Variants in EMP2 observed in about 807,000 individuals in gnomAD.
The protein encoded by EMP2 is epithelial membrane protein 2.
Under a neutral mutation model 13.7 loss-of-function variants are expected in EMP2, and 19 were observed. The ratio of observed to expected loss-of-function variants is 1.38; its 90% CI spans 0.97 to 2.03. The LOEUF (loss-of-function observed/expected upper bound fraction) is 2.03, where lower values mean the gene tolerates loss of function less well. EMP2 is among the 30% of genes most tolerant of loss of function. The pLI is 0.00. For synonymous variants in EMP2, 97 were observed against 84.7 expected, an observed-to-expected ratio of 1.15 and a Z score of -0.80; for missense variants, 253 against 220.7, an observed-to-expected ratio of 1.15 and a Z score of -0.93.
intron 1 of EMP2, among the ~76,000 whole-genome samples, chr16:10,570,601 T>C (rs552072181): frequency 3.0e-4 from 45 of 152,316 alleles, no homozygotes; most frequent in Non-Finnish European, 5.9e-4. Context: ...TTTCTTTACA[T>C]TGGCCAGGCT....
intron 2 of EMP2, chr16:10,547,176 A>G: frequency 5.7e-6 from 1 of 175,862 alleles, no homozygotes; most frequent in Non-Finnish European, 1.2e-5. Flanking sequence ...TTGTATTCCC[A>G]TAATTCCCAC....
Position 10,542,905 on chromosome 16 carries a change from G to A in EMP2, c.169+665C>T, listed in dbSNP as rs192559460. Among the ~76,000 whole-genome samples, 25 of 152,350 alleles carry A rather than the reference G, an allele frequency of 1.6e-4. No homozygotes were observed. In the East Asian group the frequency reaches 4.8e-3, roughly 29 times the overall value. ...CTGTCACCCAGGGTGGAGCGCAGTGGCGTGATCTCGGCTCACCGCAACCTC... is the reference window on the plus strand; with the variant it reads ...CTGTCACCCAGGGTGGAGCGCAGTGACGTGATCTCGGCTCACCGCAACCTC... On this transcript the variant is annotated intron_variant, in intron 3 of 4. Coordinates refer to ENST00000359543, the MANE Select transcript of EMP2 (RefSeq NM_001424.6).
At chr16:10,536,933 C>G (rs1264649812) in intron 4 of EMP2, among the ~76,000 whole-genome samples, 1 of 152,088 alleles carries the variant, frequency 6.6e-6, no homozygotes, top group Non-Finnish European at 1.5e-5. Flanking sequence ...GAGGATGGTC[C>G]CAGGCAAACT....
intron 1 of EMP2, among the ~76,000 whole-genome samples, chr16:10,573,713 T>C (rs1260174061): frequency 6.6e-6 from 1 of 152,180 alleles, no homozygotes. Context: ...GTTCCTTCCC[T>C]ACCACCCCAT....
Position 10,543,663 on chromosome 16 carries a change from G to A in EMP2, c.79-3C>T. On this transcript the variant is annotated splice_polypyrimidine_tract_variant and splice_region_variant and intron_variant, in intron 2 of 4. Transcript: ENST00000359543. Reference sequence around the variant, plus strand: ...AACTCATCTCCTACCCACCAGGCCTGTAACACAAAATGGAAATAGAGAGAA... The same window carrying A: ...AACTCATCTCCTACCCACCAGGCCTATAACACAAAATGGAAATAGAGAGAA... 2 of 1,614,086 alleles carry A rather than the reference G, an allele frequency of 1.2e-6. No individual in the cohort carries two copies. The highest frequency in any genetic ancestry group is 1.3e-5 in the African/African-American group (1 of 75,056).
At chr16:10,559,323 C>T (rs1001723160) in intron 1 of EMP2, among the ~76,000 whole-genome samples, 26 of 152,226 alleles carry the variant, frequency 1.7e-4, no homozygotes, top group South Asian at 6.2e-4. Context: ...AGTATTCAGG[C>T]GTCTGAGATG....
intron 1 of EMP2, among the ~76,000 whole-genome samples, chr16:10,554,951 T>C (rs1104833): frequency 0.067 from 10,159 of 152,220 alleles, 428 homozygotes; most frequent in East Asian, 0.13. Context: ...CTTTGGAGGA[T>C]TGCATGGTCT....
At chr16:10,573,060 T>C (rs1183666999) in intron 1 of EMP2, among the ~76,000 whole-genome samples, 2 of 152,158 alleles carry the variant, frequency 1.3e-5, no homozygotes, top group African/African-American at 4.8e-5. Context: ...TTTTTGTTTT[T>C]ATTTTAAGAG....
rs761837614 is a variant in EMP2, at chr16:10,575,237, C to CTT, written c.-61+5310_-61+5311dup. Among the ~76,000 whole-genome samples, 464 of 52,436 alleles carry CTT rather than the reference C, an allele frequency of 8.8e-3. 117 individuals are homozygous for CTT. Among genetic ancestry groups the CTT allele is most frequent in the African/African-American group, 0.022 (347 of 15,618 alleles). The allele number at this position is 52,436 out of a possible 152,430, so 34.4% of individuals were successfully genotyped here. A position where few individuals can be genotyped will look rare whatever the true frequency, so the allele number is the denominator to read the frequency against. On this transcript the variant is annotated intron_variant, in intron 1 of 4. Transcript: ENST00000359543. ...TGGCCTTGGTCCTGGAGCTTGCATT[C>CTT]TTTTTTTTTTTTTTTTTTTTTTTTT...
At chr16:10,546,287 G>A (rs892474699) in intron 2 of EMP2, 1 of 152,248 alleles carries the variant, frequency 6.6e-6, no homozygotes, top group Non-Finnish European at 1.5e-5. Context: ...CAATGTTTCT[G>A]CCCTTTAATT....
rs1204091803 is a variant in EMP2 at position 10,530,248 on chromosome 16, C to G, written c.*2657G>C. On this transcript the variant is annotated 3_prime_UTR_variant, in exon 5 of 5. Transcript: ENST00000359543. ...GGAGGATATCTGGATTTGCTCACCC[C>G]TGTATTTTCAGAGCCTCACACAGTG... The G allele has an allele frequency of 1.3e-5, 2 of 152,232 alleles. No homozygotes were observed. Among genetic ancestry groups the G allele is most frequent in the African/African-American group, 4.8e-5 (2 of 41,452 alleles). 9.4% of individuals were successfully genotyped at this position (152,232 alleles called of 1,614,324 possible).
intron 1 of EMP2, among the ~76,000 whole-genome samples, chr16:10,564,957 A>G (rs568648535): frequency 1.3e-5 from 2 of 152,354 alleles, no homozygotes; most frequent in East Asian, 3.9e-4. Flanking sequence ...CCTGCCATAA[A>G]TAGAAGGTGC....
At chr16:10,536,812 G>C (rs994126923) in intron 4 of EMP2, among the ~76,000 whole-genome samples, 2 of 152,088 alleles carry the variant, frequency 1.3e-5, no homozygotes, top group African/African-American at 2.4e-5. Context: ...GTATAGAGGA[G>C]GTCTCACTAT....
chr16:10,547,297 G>A (rs937815995), intron 2 of EMP2: 8 of 456,616 alleles, frequency 1.8e-5, no homozygotes, highest in Non-Finnish European at 2.7e-5. Context: ...TTTTATAAAG[G>A]GCAGTTCCCC....
In EMP2 at chr16:10,531,748, GATGAATGAATGAATGAATGAATGA is replaced by G. The variant is rs111364972; in HGVS notation, c.*1133_*1156del. The stretch of plus-strand genomic sequence containing the variant: ...ATGCATGCAAGTTATGATTTATGTT[GATGAATGAATGAATGAATGAATGA>G]ATGAATGAATGAATGAATGGTGGAT... On this transcript the variant is annotated 3_prime_UTR_variant, in exon 5 of 5. Transcript: ENST00000359543. 6.6e-6 allele frequency: 1 copy of G among 151,954 alleles called. No individual in the cohort carries two copies. The highest frequency in any genetic ancestry group is 2.1e-4 in the South Asian group (1 of 4,718). The allele number at this position is 151,954 out of a possible 1,614,324, so 9.4% of individuals were successfully genotyped here.
At chr16:10,568,304 C>T (rs543728386) in intron 1 of EMP2, among the ~76,000 whole-genome samples, 1 of 152,344 alleles carries the variant, frequency 6.6e-6, no homozygotes, top group East Asian at 1.9e-4. Context: ...CCAGCTGCCT[C>T]ACGTTCCTGG....
At chr16:10,564,345 G>A (rs2050892651) in intron 1 of EMP2, among the ~76,000 whole-genome samples, 1 of 152,018 alleles carries the variant, frequency 6.6e-6, no homozygotes, top group African/African-American at 2.4e-5. Context: ...ATAAAAATTA[G>A]CTGGGTGTGG....
In EMP2 at chr16:10,547,182, C is replaced by T. The variant is rs193026284; in HGVS notation, c.78+358G>A. 1.2e-4 allele frequency: 21 copies of T among 177,660 alleles called. No individual in the cohort carries two copies. In the East Asian group the frequency reaches 2.1e-3, roughly 18 times the overall value. 11.0% of individuals were successfully genotyped at this position (177,660 alleles called of 1,614,324 possible). On this transcript the variant is annotated intron_variant, in intron 2 of 4. Coordinates refer to ENST00000359543, the MANE Select transcript of EMP2 (RefSeq NM_001424.6). ...AATCTCGTATTGTATTCCCATAATT[C>T]CCACATGTCGTGGGAGGGACCCGGT...
rs868250264 is a variant in EMP2, at chr16:10,566,583, C to T, written c.-61+13966G>A. On this transcript the variant is annotated intron_variant, in intron 1 of 4. Coordinates refer to ENST00000359543, the MANE Select transcript of EMP2 (RefSeq NM_001424.6). ...ACAGAGCTATCTAAAATCACCCCAGCATCATGAATCCCACTGTGCAGAAAA... is the reference window on the plus strand; with the variant it reads ...ACAGAGCTATCTAAAATCACCCCAGTATCATGAATCCCACTGTGCAGAAAA... 5.3e-5 allele frequency among the ~76,000 whole-genome samples: 8 copies of T among 152,328 alleles called. 1 individual carries two copies. The highest frequency in any genetic ancestry group is 2.1e-4 in the South Asian group (1 of 4,820).
Sources: allele counts gnomAD v4.1 joint callset (sites outside exome capture counted in the v4.1 genomes callset), GRCh38; gene constraint gnomAD v4.1.1; transcripts MANE v1.5; gene names NCBI Gene and HGNC (gene_info 2026-07-23, HGNC 2026-07-21).